Variants in CARHSP1 observed in about 807,000 individuals in gnomAD.
CARHSP1 encodes calcium regulated heat stable protein 1.
In CARHSP1, 14 loss-of-function variants were observed where a neutral mutation model predicts 12.5. That is an observed-to-expected ratio of 1.12 (90% CI 0.74 to 1.75). The LOEUF (loss-of-function observed/expected upper bound fraction) is 1.75, where lower values mean the gene tolerates loss of function less well. CARHSP1 is among the 40% of genes most tolerant of loss of function. The pLI, the probability that CARHSP1 is intolerant of heterozygous loss-of-function variation, is 0.00. For missense variants in CARHSP1, 343 were observed against 201.6 expected (o/e 1.70, Z -4.25); for synonymous variants, 161 against 82.0 (o/e 1.96, Z -5.20).
rs780817200 is a variant in CARHSP1 at position 8,859,152 on chromosome 16, C to G, written c.158+19G>C. On this transcript the variant is annotated intron_variant, in intron 2 of 3. Transcript: ENST00000311052. ...AGAGATCCATCTGAGAACGCGTCCC[C>G]AGCCTGCTCCAGACTCACGCCGAGA... The G allele has an allele frequency of 4.4e-6, 7 of 1,575,544 alleles. No individual in the cohort carries two copies. Among genetic ancestry groups the G allele is most frequent in the Middle Eastern group, 1.7e-4 (1 of 5,858 alleles).
At chr16:8,855,841 G>C (rs550434274) in intron 3 of CARHSP1, among the ~76,000 whole-genome samples, 14 of 152,178 alleles carry the variant, frequency 9.2e-5, no homozygotes, top group South Asian at 2.1e-4. Flanking sequence ...GCCTTTTTTT[G>C]AGACAGAGTC....
rs113819616 is a variant in CARHSP1, at chr16:8,866,174, G to A, written c.-8+2792C>T. The stretch of plus-strand genomic sequence containing the variant: ...TCACTGTGTTGTCCAGGCTGGTCTC[G>A]ACCTCCCAGGCTCAAGAGATTCTCC... On this transcript the variant is annotated intron_variant, in intron 1 of 3. Coordinates refer to ENST00000311052, the MANE Select transcript of CARHSP1 (RefSeq NM_014316.4). Among the ~76,000 whole-genome samples the A allele has an allele frequency of 7.3e-3, 1,111 of 152,116 alleles. 4 individuals carry two copies. Among genetic ancestry groups the A allele is most frequent in the South Asian group, 0.019 (94 of 4,822 alleles).
chr16:8,859,628 G>A (rs1204760581), intron 1 of CARHSP1, among the ~76,000 whole-genome samples: 2 of 152,022 alleles, frequency 1.3e-5, no homozygotes, highest in African/African-American at 2.4e-5. Flanking sequence ...CATGGATCCC[G>A]GCACATTTGG....
At chr16:8,866,107 C>T (rs995665304) in intron 1 of CARHSP1, among the ~76,000 whole-genome samples, 3 of 152,160 alleles carry the variant, frequency 2.0e-5, no homozygotes, top group African/African-American at 7.2e-5. Flanking sequence ...GCGTGTGCTA[C>T]CACACCCAGC....
chr16:8,862,537 G>T (rs896404333), intron 1 of CARHSP1, among the ~76,000 whole-genome samples: 1 of 152,030 alleles, frequency 6.6e-6, no homozygotes. Context: ...TCCCAAAAGG[G>T]CTGTAAAGAA....
chr16:8,857,277 T>TTTTTTTTTG (rs1567181201), intron 3 of CARHSP1, among the ~76,000 whole-genome samples: 1 of 65,906 alleles, frequency 1.5e-5, no homozygotes, highest in Admixed American at 1.9e-4. Context: ...TTTTTTTTTT[T>TTTTTTTTTG]TTTTTTTTTT....
At chr16:8,858,272 TCA>T in intron 3 of CARHSP1, 76 bp downstream of exon 3, 2 of 1,541,666 alleles carry the variant, frequency 1.3e-6, no homozygotes, top group Admixed American at 3.7e-5. Flanking sequence ...CCCATCAGAG[TCA>T]CACACCATCC....
At chr16:8,865,202 C>G (rs76749061) in intron 1 of CARHSP1, among the ~76,000 whole-genome samples, 3,641 of 152,290 alleles carry the variant, frequency 0.024, 66 homozygotes, top group Non-Finnish European at 0.037. Flanking sequence ...CCCCGCCCCC[C>G]AGGTTCAAGC....
chr16:8,862,169 A>C (rs2061376605), intron 1 of CARHSP1, among the ~76,000 whole-genome samples: 1 of 151,762 alleles, frequency 6.6e-6, no homozygotes, highest in African/African-American at 2.4e-5. Flanking sequence ...CGCCCGGCTA[A>C]TGAAGCATAG....
chr16:8,857,697 C>T (rs1471053735), intron 3 of CARHSP1: 1 of 150,250 alleles, frequency 6.7e-6, no homozygotes, highest in Non-Finnish European at 1.5e-5. Flanking sequence ...TCAAGTGATT[C>T]TCCTGCCTCA....
At chr16:8,863,047 G>A (rs1395025171) in intron 1 of CARHSP1, among the ~76,000 whole-genome samples, 1 of 150,802 alleles carries the variant, frequency 6.6e-6, no homozygotes. Context: ...GTGTCCCAAG[G>A]GCCCAGCACA....
intron 1 of CARHSP1, among the ~76,000 whole-genome samples, chr16:8,862,029 G>A (rs2061372310): frequency 2.3e-5 from 2 of 88,762 alleles, no homozygotes; most frequent in African/African-American, 6.8e-5. Context: ...ATTTGAGATG[G>A]AGTCCTGCTG....
intron 3 of CARHSP1, among the ~76,000 whole-genome samples, chr16:8,856,181 C>T (rs1316267072): frequency 6.6e-6 from 1 of 152,156 alleles, no homozygotes. Context: ...CCTGTGACCA[C>T]CCCCAGGAAG....
chr16:8,861,255 C>T (rs1414896929), intron 1 of CARHSP1, among the ~76,000 whole-genome samples: 4 of 137,972 alleles, frequency 2.9e-5, no homozygotes, highest in East Asian at 2.3e-4. Context: ...CTGGGCTCAA[C>T]GGATTCTCCC....
rs71155412 is a variant in CARHSP1 at position 8,863,112 on chromosome 16, C to CTTTTTTTTTT, written c.-7-3787_-7-3778dup. Among the ~76,000 whole-genome samples, 126 of 74,144 alleles carry CTTTTTTTTTT rather than the reference C, an allele frequency of 1.7e-3. 11 individuals are homozygous for CTTTTTTTTTT. The highest frequency in any genetic ancestry group is 6.9e-3 in the African/African-American group (118 of 17,170). 48.6% of individuals were successfully genotyped at this position (74,144 alleles called of 152,430 possible). A position where few individuals can be genotyped will look rare whatever the true frequency, so the allele number is the denominator to read the frequency against. On this transcript the variant is annotated intron_variant, in intron 1 of 3. Coordinates refer to ENST00000311052, the MANE Select transcript of CARHSP1 (RefSeq NM_014316.4). ...GGTCCAGGAATGGCCACAAGGATGG[C>CTTTTTTTTTT]TTTTTTTTTTTTTTTTTTTTTTTTT...
chr16:8,859,265 C>G lies in CARHSP1; in HGVS notation c.64G>C (p.Asp22His), dbSNP rs1271502159. 3.1e-6 allele frequency: 5 copies of G among 1,601,896 alleles called. No homozygotes were observed. The highest frequency in any genetic ancestry group is 1.1e-5 in the South Asian group (1 of 89,294). Residue 22 changes from aspartate to histidine, a missense_variant, in exon 2 of 4, where the codon GAC becomes CAC. By Grantham distance (81) the Asp-to-His change is moderately conservative (BLOSUM62 -1). Coordinates refer to ENST00000311052, the MANE Select transcript of CARHSP1 (RefSeq NM_014316.4). ...GAGCGCTCACGGCTCCGAGGGGTGTCCAGCAGCCCGACTGAAGCTTGATGG... is the reference window on the plus strand; with the variant it reads ...GAGCGCTCACGGCTCCGAGGGGTGTGCAGCAGCCCGACTGAAGCTTGATGG... ...PTHQASVGLL[D>H]TPRSRERSPS...
At chr16:8,859,503 C>T (rs2061274563) in intron 1 of CARHSP1, among the ~76,000 whole-genome samples, 168 bp from the exon 2 acceptor site, 2 of 151,876 alleles carry the variant, frequency 1.3e-5, no homozygotes, top group Non-Finnish European at 2.9e-5. Context: ...CAGATGCCTA[C>T]TCTGGGCTCC....
intron 3 of CARHSP1, among the ~76,000 whole-genome samples, chr16:8,857,311 T>C: frequency 7.1e-6 from 1 of 140,036 alleles, no homozygotes; most frequent in Non-Finnish European, 1.5e-5. Context: ...AGATGGAGTT[T>C]TGCTCTTGTT....
At chr16:8,860,743 G>A (rs576075712) in intron 1 of CARHSP1, among the ~76,000 whole-genome samples, 3 of 152,126 alleles carry the variant, frequency 2.0e-5, no homozygotes, top group South Asian at 2.1e-4. Context: ...GTCCCATGGG[G>A]TTTTCAAATT....
Sources: gnomAD v4.1 joint callset for allele counts (sites outside exome capture counted in the v4.1 genomes callset) on GRCh38, gnomAD v4.1.1 for gene constraint, MANE v1.5 for transcripts, NCBI Gene and HGNC (gene_info 2026-07-23, HGNC 2026-07-21) for gene names.